The following PSMB7 variants were observed in gnomAD, a reference collection of about 807,000 sequenced individuals.
PSMB7 encodes the protein proteasome subunit beta type-7.
Under a neutral mutation model 28.1 loss-of-function variants are expected in PSMB7, and 5 were observed. The observed-to-expected ratio is 0.18, with a 90% CI of 0.09 to 0.37. The LOEUF (loss-of-function observed/expected upper bound fraction) is 0.37, where lower values mean the gene tolerates loss of function less well. Ranked by LOEUF, PSMB7 falls within the 10% of genes least tolerant of loss-of-function variation. The pLI is 1.00. For synonymous variants in PSMB7, 122 were observed against 123.7 expected (o/e 0.99, Z 0.09); for missense variants, 275 against 346.2 (o/e 0.79, Z 1.63).
chr9:124,359,605 T>G (rs1356746241), intron 6 of PSMB7, among the ~76,000 whole-genome samples: 1 of 152,224 alleles, frequency 6.6e-6, no homozygotes, highest in Non-Finnish European at 1.5e-5. Context: ...AACTCGCAAG[T>G]GACCTTCCTT....
intron 7 of PSMB7, among the ~76,000 whole-genome samples, chr9:124,354,636 C>T (rs1345204023): frequency 6.6e-6 from 1 of 152,190 alleles, no homozygotes; most frequent in Non-Finnish European, 1.5e-5. Flanking sequence ...CAGCCCAGAG[C>T]GGCCTGCCTT....
chr9:124,359,575 C>T (rs1230586170), intron 6 of PSMB7, among the ~76,000 whole-genome samples: 2 of 152,246 alleles, frequency 1.3e-5, no homozygotes, highest in African/African-American at 4.8e-5. Flanking sequence ...CCCAGAGCCA[C>T]AAGGCCGCAG....
At chr9:124,414,112 T>C (rs1831059815) in intron 2 of PSMB7, 107 bp from the exon 3 acceptor site, 1 of 638,660 alleles carries the variant, frequency 1.6e-6, no homozygotes, top group African/African-American at 1.8e-5. Context: ...GCTCCCCTAA[T>C]CTCAAAACGC....
rs552859558 is a variant in PSMB7 at position 124,404,852 on chromosome 9, CA to C, written c.511+464del. Among the ~76,000 whole-genome samples, 443 of 151,414 alleles carry C rather than the reference CA, an allele frequency of 2.9e-3. 4 individuals are homozygous for C. Among genetic ancestry groups the C allele is most frequent in the African/African-American group, 0.01 (424 of 41,294 alleles). On this transcript the variant is annotated intron_variant, in intron 5 of 7. Coordinates refer to ENST00000259457, the MANE Select transcript of PSMB7 (RefSeq NM_002799.4). ...TGGGCAACAGAGCAAAACTCCATCT[CA>C]AAAAAGAAAAAAATAATAAAAATAA...
chr9:124,412,477 C>A lies in PSMB7; in HGVS notation c.270G>T (p.Gly90=). 6.2e-7 allele frequency: 1 copy of A among 1,613,782 alleles called. No homozygotes were observed. Among genetic ancestry groups the A allele is most frequent in the South Asian group, 1.1e-5 (1 of 90,990 alleles). The change falls in exon 4 of 8, where the codon GGG becomes GGT. Residue 90 remains glycine, a synonymous_variant. Transcript: ENST00000259457. ...ISPNIYCCGA[G]TAADTDMTTQ... ...TTGTCATGTCTGTGTCTGCAGCTGT[C>A]CCAGCACCACAACAACTGAAAAATC...
At chr9:124,409,590 A>G (rs948675124) in intron 4 of PSMB7, among the ~76,000 whole-genome samples, 3 of 152,236 alleles carry the variant, frequency 2.0e-5, no homozygotes, top group African/African-American at 7.2e-5. Flanking sequence ...CAGAAAAAAA[A>G]AGTACAGCAG....
intron 5 of PSMB7, among the ~76,000 whole-genome samples, chr9:124,402,666 G>A (rs1329726557): frequency 5.3e-5 from 8 of 152,012 alleles, no homozygotes; most frequent in East Asian, 3.9e-4. Flanking sequence ...TTTGTTGAAC[G>A]TTACTGTTAC....
At chr9:124,374,027 G>A (rs1212871526) in intron 6 of PSMB7, among the ~76,000 whole-genome samples, 3 of 152,024 alleles carry the variant, frequency 2.0e-5, no homozygotes, top group Admixed American at 1.3e-4. Flanking sequence ...AGTAAAATGT[G>A]GTATGTCCAT....
At chr9:124,397,723 T>C (rs1373812790) in intron 5 of PSMB7, among the ~76,000 whole-genome samples, 1 of 152,254 alleles carries the variant, frequency 6.6e-6, no homozygotes, top group Non-Finnish European at 1.5e-5. Context: ...GATGAAATAT[T>C]CATTTTCTCA....
At chr9:124,388,947 G>T (rs1830755531) in intron 5 of PSMB7, among the ~76,000 whole-genome samples, 1 of 152,062 alleles carries the variant, frequency 6.6e-6, no homozygotes, top group Non-Finnish European at 1.5e-5. Flanking sequence ...ATCCCCAACA[G>T]TCTCTGACAC....
rs1298421873 is a variant in PSMB7 at position 124,353,676 on chromosome 9, A to G, written c.756T>C (p.Thr252=). ...LGRYRCEKGT[T]AVLTEKITPL... is the part of the protein sequence containing the mutation. ...GAGTGATTTTCTCAGTGAGGACTGCAGTAGTCCCTTTCTCACACCTGTACC... is the reference window on the plus strand; with the variant it reads ...GAGTGATTTTCTCAGTGAGGACTGCGGTAGTCCCTTTCTCACACCTGTACC... Residue 252 remains threonine (T), a synonymous_variant, in exon 8 of 8, where the codon ACT becomes ACC. Transcript: ENST00000259457. 1 of 1,613,930 alleles carries G rather than the reference A, an allele frequency of 6.2e-7. No homozygotes were observed. Among genetic ancestry groups the G allele is most frequent in the South Asian group, 1.1e-5 (1 of 91,078 alleles).
intron 4 of PSMB7, 30 bp downstream of exon 4, chr9:124,412,322 C>G (rs373939089): frequency 6.2e-6 from 10 of 1,606,448 alleles, no homozygotes; most frequent in African/African-American, 1.3e-5. Flanking sequence ...GAAGAAGATA[C>G]TAGTAGGAAT....
At chr9:124,388,345 G>A (rs908646172) in intron 5 of PSMB7, among the ~76,000 whole-genome samples, 2 of 152,316 alleles carry the variant, frequency 1.3e-5, no homozygotes, top group Non-Finnish European at 2.9e-5. Context: ...CAGAGAGGAC[G>A]TGCCCTCCAC....
rs1048779565 is a variant in PSMB7 at position 124,409,777 on chromosome 9, C to T, written c.395+2575G>A. Among the ~76,000 whole-genome samples the T allele has an allele frequency of 3.9e-5, 6 of 152,120 alleles. No homozygotes were observed. The South Asian group carries it at 6.2e-4, about 16-fold the overall frequency. ...TGAGAAAGAATCACCCAAATTTATA[C>T]GACAGTCAGTGCTGTAGGTGGGAGA... On this transcript the variant is annotated intron_variant, in intron 4 of 7. Transcript: ENST00000259457.
In PSMB7 at chr9:124,356,403, G is replaced by A. The variant is rs1830407459; in HGVS notation, c.722+361C>T. Among the ~76,000 whole-genome samples, 1 of 152,166 alleles carries A rather than the reference G, an allele frequency of 6.6e-6. No homozygotes were observed. Among genetic ancestry groups the A allele is most frequent in the Admixed American group, 6.5e-5 (1 of 15,282 alleles). On this transcript the variant is annotated intron_variant, in intron 7 of 7. Transcript: ENST00000259457. This position sits in a 1 kb window ranked among gnomAD's most constrained non-coding sequence, Gnocchi z 4.4. ...GTTAGGAATCTCGGGGCACTCTGAG[G>A]GAAAGTGCTGGGGCTGCCCTGAAAA...
intron 4 of PSMB7, among the ~76,000 whole-genome samples, chr9:124,410,153 C>T (rs1373001284): frequency 6.6e-6 from 1 of 151,914 alleles, no homozygotes; most frequent in African/African-American, 2.4e-5. Context: ...CGCCACCACG[C>T]CCGGCTAATT....
At chr9:124,401,702 G>C (rs1276377041) in intron 5 of PSMB7, among the ~76,000 whole-genome samples, 1 of 152,144 alleles carries the variant, frequency 6.6e-6, no homozygotes, top group Non-Finnish European at 1.5e-5. Context: ...CTGCTATAGT[G>C]CCTTTACACA....
chr9:124,387,256 A>G (rs1830734060), intron 5 of PSMB7, among the ~76,000 whole-genome samples: 1 of 152,180 alleles, frequency 6.6e-6, no homozygotes, highest in Admixed American at 6.5e-5. Flanking sequence ...AAACAAAAAA[A>G]CAAACAAACA....
At chr9:124,405,155 T>C (rs1407786159) in intron 5 of PSMB7, among the ~76,000 whole-genome samples, 162 bp downstream of exon 5, 1 of 152,190 alleles carries the variant, frequency 6.6e-6, no homozygotes. Flanking sequence ...AGCAAGCACC[T>C]AGAACACGGC....
Sources: allele counts gnomAD v4.1 joint callset (sites outside exome capture counted in the v4.1 genomes callset), GRCh38; gene constraint gnomAD v4.1.1; non-coding constraint Gnocchi (gnomAD v3.1); transcripts MANE v1.5; gene names NCBI Gene and HGNC (gene_info 2026-07-23, HGNC 2026-07-21).